TCP11: variants seen among roughly 807,000 people sequenced by gnomAD.
The protein encoded by TCP11 is T-complex protein 11 homolog.
TCP11 carries 34 observed loss-of-function variants against 45.0 expected under a neutral mutation model. The ratio of observed to expected loss-of-function variants is 0.76; its 90% CI spans 0.57 to 1.01. The LOEUF (loss-of-function observed/expected upper bound fraction) is 1.01. TCP11 is among the 50% of genes least tolerant of loss of function. The probability of loss-of-function intolerance (pLI) is 0.00; values close to 1 mark genes in which losing one functional copy is unlikely to be tolerated. For synonymous variants in TCP11, 227 were observed against 227.0 expected, an observed-to-expected ratio of 1.00 and a Z score of 0.00; for missense variants, 523 against 598.1, an observed-to-expected ratio of 0.87 and a Z score of 1.31.
At chr6:35,137,513 T>C (rs1438586404) in intron 2 of TCP11, among the ~76,000 whole-genome samples, 4 of 150,038 alleles carry the variant, frequency 2.7e-5, no homozygotes, top group African/African-American at 7.4e-5. Context: ...GTCCCTTAAA[T>C]GGAATTAACT....
intron 4 of TCP11, among the ~76,000 whole-genome samples, chr6:35,124,483 A>G (rs1397253360): frequency 6.6e-6 from 1 of 152,128 alleles, no homozygotes; most frequent in Non-Finnish European, 1.5e-5. Context: ...GAAAGTAAAC[A>G]CCTTACTATA....
chr6:35,138,263 T>A (rs1020022226), intron 2 of TCP11, among the ~76,000 whole-genome samples: 2 of 152,196 alleles, frequency 1.3e-5, no homozygotes, highest in African/African-American at 4.8e-5. Flanking sequence ...AGGAAATCAA[T>A]CTATCGAAGA....
intron 3 of TCP11, 37 bp from the exon 4 acceptor site, chr6:35,129,219 C>A: frequency 6.3e-7 from 1 of 1,593,160 alleles, no homozygotes; most frequent in Non-Finnish European, 8.5e-7. Flanking sequence ...ACTCTCTCAA[C>A]CCAAAAACAG....
chr6:35,135,181 T>C (rs1465474790), intron 3 of TCP11, among the ~76,000 whole-genome samples: 3 of 148,328 alleles, frequency 2.0e-5, no homozygotes, highest in African/African-American at 7.5e-5. Context: ...GCAGAAACAA[T>C]GGGATGTCAC....
chr6:35,129,539 T>A (rs1780178188), intron 3 of TCP11, among the ~76,000 whole-genome samples: 2 of 152,220 alleles, frequency 1.3e-5, no homozygotes, highest in African/African-American at 4.8e-5. Flanking sequence ...AGCTAAATGA[T>A]CTTTCATTTT....
chr6:35,133,792 GA>G (rs960372968), intron 3 of TCP11, among the ~76,000 whole-genome samples: 126 of 139,772 alleles, frequency 9.0e-4, no homozygotes, highest in Middle Eastern at 3.8e-3. Context: ...TTTCATCTCA[GA>G]AAAAAAAAAA....
At chr6:35,126,639 T>A (rs1232547892) in intron 4 of TCP11, among the ~76,000 whole-genome samples, 1 of 150,116 alleles carries the variant, frequency 6.7e-6, no homozygotes, top group Non-Finnish European at 1.5e-5. Context: ...ATATATGCTT[T>A]GAATCAAAGA....
At chr6:35,141,036 G>T in intron 1 of TCP11, 152 bp from the exon 2 acceptor site, 1 of 1,235,666 alleles carries the variant, frequency 8.1e-7, no homozygotes, top group Non-Finnish European at 1.1e-6. Flanking sequence ...GTGGAGGAGC[G>T]GAAGTCGAGA....
rs1486230309 is a variant in TCP11 at position 35,122,177 on chromosome 6, G to A, written c.518C>T (p.Pro173Leu). The change falls in exon 5 of 10, where the codon CCA becomes CTA. Residue 173 changes from proline to leucine, a missense_variant. Around this residue, in one of 2 missense-constraint regions of TCP11, gnomAD observed 225 missense variants for 210.2 expected, o/e 1.07. Coordinates refer to ENST00000311875, the MANE Select transcript of TCP11 (RefSeq NM_001370687.1). ...VLNMMALLCA[P>L]VRDEAVQKLE... is the part of the protein sequence containing the mutation. ...TTTCTGCACTGCTTCATCTCGAACT[G>A]GTGCACACAGCAAAGCCATCATGTT... The A allele has an allele frequency of 5.0e-6, 8 of 1,614,128 alleles. No individual in the cohort carries two copies. The highest frequency in any genetic ancestry group is 5.9e-6 in the Non-Finnish European group (7 of 1,180,014).
intron 4 of TCP11, chr6:35,128,807 A>G (rs1417792911): frequency 1.2e-5 from 5 of 403,658 alleles, no homozygotes; most frequent in Non-Finnish European, 4.4e-6. Flanking sequence ...GGTATGATAG[A>G]TGCCCTTTTA....
chr6:35,128,915 C>T, intron 4 of TCP11, 147 bp downstream of exon 4: 1 of 1,021,692 alleles, frequency 9.8e-7, no homozygotes, highest in Non-Finnish European at 1.4e-6. Context: ...TAAACCCTCC[C>T]TGCTAAAATT....
In TCP11 at chr6:35,138,336, T is replaced by C. The variant is rs560476069; in HGVS notation, c.125-2118A>G. ...TGATAGCCAAGATTTGGAAGCAACC[T>C]GTGTCCATCAACAGACAAATGGTAG... is the stretch of plus-strand genomic sequence containing the variant. On this transcript the variant is annotated intron_variant, in intron 2 of 9. Coordinates refer to ENST00000311875, the MANE Select transcript of TCP11 (RefSeq NM_001370687.1). Among the ~76,000 whole-genome samples, 4 of 152,354 alleles carry C rather than the reference T, an allele frequency of 2.6e-5. No homozygotes were observed. The East Asian group carries it at 7.7e-4, about 29-fold the overall frequency.
chr6:35,122,004 G>C (rs562047126), intron 5 of TCP11, 113 bp downstream of exon 5: 25 of 1,012,132 alleles, frequency 2.5e-5, no homozygotes, highest in Middle Eastern at 2.5e-4. Context: ...GTGTTAGTCA[G>C]GTCTTTAGCA....
At position 35,121,988 on chromosome 6, in the gene TCP11, A is replaced by G; in HGVS notation, c.578+129T>C. 29 of 876,872 alleles carry G rather than the reference A, an allele frequency of 3.3e-5. No homozygotes were observed. In the South Asian group the frequency reaches 4.5e-4, roughly 14 times the overall value. The allele number at this position is 876,872 out of a possible 1,614,324, so 54.3% of individuals were successfully genotyped here. On this transcript the variant is annotated intron_variant, in intron 5 of 9. Transcript: ENST00000311875. ...AAGAGTGAATTGACCAGAGGGGAGA[A>G]AAAGGGTGTTAGTCAGGTCTTTAGC...
rs982518376 is a variant in TCP11, at chr6:35,140,746, C to T, written c.124+1G>A. 6.5e-7 allele frequency: 1 copy of T among 1,527,910 alleles called. No individual in the cohort carries two copies. Among genetic ancestry groups the T allele is most frequent in the Non-Finnish European group, 8.8e-7 (1 of 1,142,636 alleles). 94.6% of individuals were successfully genotyped at this position (1,527,910 alleles called of 1,614,324 possible). ...CACAGGGACTGCCGAGCTGGACCTA[C>T]AGGGAGGGGGGTCCTCGGAGCCGCT... On this transcript the variant is annotated splice_donor_variant, in intron 2 of 9. Coordinates refer to ENST00000311875, the MANE Select transcript of TCP11 (RefSeq NM_001370687.1). LOFTEE classifies it high-confidence loss of function.
In TCP11 at chr6:35,122,147, T is replaced by G. The variant is rs1456588725; in HGVS notation, c.548A>C (p.Glu183Ala). ...PVRDEAVQKL[E>A]NITDPVWLLR... is the part of the protein sequence containing the mutation. ...TAGCCAAACAGGATCCGTAATGTTT[T>G]CTAGTTTCTGCACTGCTTCATCTCG... The change falls in exon 5 of 10, where the codon GAA becomes GCA. Residue 183 changes from glutamate to alanine, a missense_variant. By Grantham distance (107) the Glu-to-Ala change is moderately radical. Transcript: ENST00000311875. The G allele has an allele frequency of 1.2e-6, 2 of 1,614,056 alleles. No homozygotes were observed. The highest frequency in any genetic ancestry group is 1.7e-6 in the Non-Finnish European group (2 of 1,180,038).
intron 4 of TCP11, among the ~76,000 whole-genome samples, chr6:35,123,994 G>C (rs1238601109): frequency 6.6e-6 from 1 of 151,638 alleles, no homozygotes; most frequent in Non-Finnish European, 1.5e-5. Context: ...AGGTCTTGCT[G>C]TGTTGTCCCT....
chr6:35,140,971 G>A (rs1023448657), intron 1 of TCP11, 87 bp from the exon 2 acceptor site: 3 of 1,429,134 alleles, frequency 2.1e-6, no homozygotes, highest in Non-Finnish European at 2.8e-6. Context: ...GCGGGAAGGG[G>A]GGTAGCGGCC....
In TCP11 at chr6:35,141,192, C is replaced by T. The variant is rs1396115649; in HGVS notation, c.-15+13G>A. ...CGCCGGCCCAGGCCCGCCTCCGGCT[C>T]CCAGGCCGTCACCTCCTCCTCCCCC... On this transcript the variant is annotated intron_variant, in intron 1 of 9. Coordinates refer to ENST00000311875, the MANE Select transcript of TCP11 (RefSeq NM_001370687.1). The T allele has an allele frequency of 7.2e-7, 1 of 1,397,700 alleles. No homozygotes were observed. The highest frequency in any genetic ancestry group is 1.5e-5 in the African/African-American group (1 of 66,478). The allele number at this position is 1,397,700 out of a possible 1,614,324, so 86.6% of individuals were successfully genotyped here. A position where few individuals can be genotyped will look rare whatever the true frequency, so the allele number is the denominator to read the frequency against.
Sources: allele counts gnomAD v4.1 joint callset (sites outside exome capture counted in the v4.1 genomes callset), GRCh38; gene constraint gnomAD v4.1.1; regional missense constraint gnomAD v4.1.1; transcripts MANE v1.5; gene names NCBI Gene and HGNC (gene_info 2026-07-23, HGNC 2026-07-21).